The following SUV39H2 variants were observed in gnomAD, a reference collection of about 807,000 sequenced individuals.
SUV39H2 encodes histone-lysine N-methyltransferase SUV39H2.
SUV39H2 carries 10 observed loss-of-function variants against 47.5 expected under a neutral mutation model. That is an observed-to-expected ratio of 0.21 (90% confidence interval 0.13 to 0.36). The LOEUF is 0.36. Ranked by LOEUF, SUV39H2 falls within the 10% of genes least tolerant of loss-of-function variation. SUV39H2 has a pLI of 1.00. For synonymous variants in SUV39H2, 159 were observed against 166.8 expected (o/e 0.95, Z 0.36); for missense variants, 266 against 487.4 (o/e 0.55, Z 4.28).
intron 2 of SUV39H2, among the ~76,000 whole-genome samples, chr10:14,895,644 G>C (rs1439337464): frequency 6.6e-6 from 1 of 152,182 alleles, no homozygotes; most frequent in Non-Finnish European, 1.5e-5. Context: ...TAGGTGGCTT[G>C]AGTGCCTGCT....
At chr10:14,901,360 C>G (rs1353855244) in intron 5 of SUV39H2, 98 bp downstream of exon 5, 1 of 1,496,102 alleles carries the variant, frequency 6.7e-7, no homozygotes, top group Admixed American at 1.9e-5. Flanking sequence ...AAACCTAATA[C>G]TAAAGATGAA....
intron 1 of SUV39H2, among the ~76,000 whole-genome samples, chr10:14,880,707 AT>A (rs1292316008): frequency 1.3e-5 from 2 of 152,212 alleles, no homozygotes; most frequent in Non-Finnish European, 2.9e-5. Context: ...CTGGAACGCA[AT>A]TAGTTTCTGG....
chr10:14,883,433 G>A (rs542334728), intron 2 of SUV39H2, among the ~76,000 whole-genome samples: 16 of 151,748 alleles, frequency 1.1e-4, no homozygotes, highest in Non-Finnish European at 1.6e-4. Flanking sequence ...AACCGGGCAC[G>A]GTGGCTCACG....
rs1350565528 is a variant in SUV39H2 at position 14,881,546 on chromosome 10, A to T, written c.78A>T (p.Leu26Phe). The T allele has an allele frequency of 6.2e-7, 1 of 1,605,814 alleles. No individual in the cohort carries two copies. Among genetic ancestry groups the T allele is most frequent in the Admixed American group, 1.7e-5 (1 of 58,494 alleles). ...CLVSLDTLQELCRKEKLTCKS... is the reference protein window; with the variant it reads ...CLVSLDTLQEFCRKEKLTCKS... ...TTTCACTTGATACTCTTCAGGAATTATGTAGAAAAGAAAAGCTCACATGTA... is the reference window on the plus strand; with the variant it reads ...TTTCACTTGATACTCTTCAGGAATTTTGTAGAAAAGAAAAGCTCACATGTA... The change falls in exon 2 of 6, where the codon TTA (leucine) becomes TTT (phenylalanine). Residue 26 changes from leucine (L) to phenylalanine (F), a missense_variant. Coordinates refer to ENST00000354919, the MANE Select transcript of SUV39H2 (RefSeq NM_001193424.2).
chr10:14,897,060 C>G lies in SUV39H2; in HGVS notation c.392C>G (p.Ala131Gly), dbSNP rs138508980. 14 of 1,613,782 alleles carry G rather than the reference C, an allele frequency of 8.7e-6. No homozygotes were observed. The highest frequency in any genetic ancestry group is 1.2e-5 in the Non-Finnish European group (14 of 1,179,982). Residue 131 changes from alanine (A) to glycine (G), a missense_variant, in exon 3 of 6, where the codon GCT becomes GGT. Ala to Gly is a moderately conservative substitution (Grantham distance 60, BLOSUM62 0). Transcript: ENST00000354919. ...ATTGCTGAGTACATTGTGAAGAAGGCTAAACAAAGGATAGCTCTGCAGAGA... is the reference window on the plus strand; with the variant it reads ...ATTGCTGAGTACATTGTGAAGAAGGGTAAACAAAGGATAGCTCTGCAGAGA... ...PAIAEYIVKK[A>G]KQRIALQRWQ...
chr10:14,892,920 A>T (rs930332191), intron 2 of SUV39H2, among the ~76,000 whole-genome samples: 1 of 151,474 alleles, frequency 6.6e-6, no homozygotes, highest in African/African-American at 2.4e-5. Context: ...CCCAGGTTCA[A>T]GCAGTTCTCC....
intron 3 of SUV39H2, 48 bp downstream of exon 3, chr10:14,897,565 A>C (rs754965122): frequency 3.5e-6 from 5 of 1,422,286 alleles, no homozygotes; most frequent in Non-Finnish European, 4.6e-6. Context: ...CAAGGTTTAT[A>C]CTTTTGGAAA....
intron 2 of SUV39H2, among the ~76,000 whole-genome samples, chr10:14,893,032 T>C (rs1471990702): frequency 1.5e-5 from 2 of 131,046 alleles, no homozygotes; most frequent in Non-Finnish European, 3.1e-5. Context: ...TGAGACGGAG[T>C]CTCGCTGTCG....
intron 5 of SUV39H2, 87 bp from the exon 6 acceptor site, chr10:14,902,319 A>T: frequency 1.2e-6 from 1 of 866,332 alleles, no homozygotes; most frequent in Non-Finnish European, 1.8e-6. Context: ...TATCACTGAT[A>T]ATAAAGCTAA....
chr10:14,895,873 C>CT (rs201871885), intron 2 of SUV39H2, among the ~76,000 whole-genome samples: 7 of 145,294 alleles, frequency 4.8e-5, no homozygotes, highest in East Asian at 4.0e-4. Context: ...ACTTAGTGTT[C>CT]TTTTTTTTGT....
At chr10:14,897,586 T>C in intron 3 of SUV39H2, 69 bp downstream of exon 3, 1 of 1,330,238 alleles carries the variant, frequency 7.5e-7, no homozygotes, top group Non-Finnish European at 9.9e-7. Flanking sequence ...ATTACCTTTT[T>C]ATCTCTTTAA....
intron 2 of SUV39H2, among the ~76,000 whole-genome samples, chr10:14,895,075 T>C (rs1436764403): frequency 6.6e-6 from 1 of 152,292 alleles, no homozygotes. Context: ...CCCTTGGGCA[T>C]GTGGCTATAT....
At position 14,901,185 on chromosome 10, in the gene SUV39H2, G is replaced by C; in HGVS notation, c.1049G>C (p.Arg350Pro). Reference protein sequence around the residue: ...FNVFIDNLDTRLPRIALFSTR... With the variant: ...FNVFIDNLDTPLPRIALFSTR... ...GTTTTCATTGATAACCTCGATACTCGTCTTCCCCGAATAGCATTGTTTTCC... is the reference window on the plus strand; with the variant it reads ...GTTTTCATTGATAACCTCGATACTCCTCTTCCCCGAATAGCATTGTTTTCC... The change falls in exon 5 of 6, where the codon CGT (arginine) becomes CCT (proline). Residue 350 changes from arginine to proline, a missense_variant. Arg to Pro is a moderately radical substitution (Grantham distance 103). Around this residue, in one of 4 missense-constraint regions of SUV39H2, gnomAD observed 112 missense variants for 271.9 expected, o/e 0.41. Transcript: ENST00000354919. The C allele has an allele frequency of 1.2e-6, 2 of 1,613,948 alleles. No individual in the cohort carries two copies. Among genetic ancestry groups the C allele is most frequent in the Non-Finnish European group, 8.5e-7 (1 of 1,179,938 alleles).
intron 2 of SUV39H2, among the ~76,000 whole-genome samples, chr10:14,887,220 G>A (rs888713195): frequency 9.2e-5 from 14 of 152,172 alleles, no homozygotes; most frequent in South Asian, 2.1e-4. Flanking sequence ...TCAAGGAAAA[G>A]TAGGTGCACG....
At position 14,897,394 on chromosome 10, in the gene SUV39H2, G is replaced by T; in HGVS notation, c.726G>T (p.Arg242Ser). ...RCQCGPDCPN[R>S]IVQKGTQYSL... Reference sequence around the variant, plus strand: ...AGTGTGGTCCTGATTGTCCCAATAGGATTGTACAAAAAGGCACACAGTATT... The same window carrying T: ...AGTGTGGTCCTGATTGTCCCAATAGTATTGTACAAAAAGGCACACAGTATT... Residue 242 changes from arginine to serine, a missense_variant, in exon 3 of 6, where the codon AGG becomes AGT. Physicochemically the swap from Arg to Ser is moderately radical, Grantham distance 110. This residue lies in a region of SUV39H2 where 112 missense variants were observed against 271.9 expected (regional missense o/e 0.41). Transcript: ENST00000354919. The T allele has an allele frequency of 6.2e-7, 1 of 1,613,366 alleles. No homozygotes were observed.
In SUV39H2 at chr10:14,894,557, C is replaced by T. The variant is rs1409119033; in HGVS notation, c.178-2289C>T. Among the ~76,000 whole-genome samples, 4 of 113,820 alleles carry T rather than the reference C, an allele frequency of 3.5e-5. 1 individual carries two copies. The highest frequency in any genetic ancestry group is 5.0e-5 in the Non-Finnish European group (3 of 60,112). The allele number at this position is 113,820 out of a possible 152,430, so 74.7% of individuals were successfully genotyped here. On this transcript the variant is annotated intron_variant, in intron 2 of 5. Transcript: ENST00000354919. ...TAATTTTTTGTATTTTTAGTAGAGA[C>T]GGGGTTTCACCGTGTTAGCCAAGAT...
chr10:14,894,733 T>A (rs1030334774), intron 2 of SUV39H2, among the ~76,000 whole-genome samples: 1 of 152,176 alleles, frequency 6.6e-6, no homozygotes, highest in South Asian at 2.1e-4. Flanking sequence ...AATATTAAGA[T>A]GCAGATAGTG....
At position 14,888,169 on chromosome 10, in the gene SUV39H2, G is replaced by A. The variant is rs1014624379; in HGVS notation, c.177+6524G>A. The stretch of plus-strand genomic sequence containing the variant: ...ATGTATGTGTTGAAAACATGACTCT[G>A]GCTGTTGTGCCCTGAATGGGTTGAG... On this transcript the variant is annotated intron_variant, in intron 2 of 5. Transcript: ENST00000354919. Among the ~76,000 whole-genome samples, 4 of 152,170 alleles carry A rather than the reference G, an allele frequency of 2.6e-5. No homozygotes were observed. The South Asian group carries it at 8.3e-4, about 31-fold the overall frequency.
At chr10:14,879,667 C>G (rs1832983565) in intron 1 of SUV39H2, 3 of 152,098 alleles carry the variant, frequency 2.0e-5, no homozygotes, top group Admixed American at 2.0e-4. Flanking sequence ...CTTTGAGAGC[C>G]TGGAACTTTT....
Sources: gnomAD v4.1 joint callset for allele counts (sites outside exome capture counted in the v4.1 genomes callset) on GRCh38, gnomAD v4.1.1 for gene constraint, gnomAD v4.1.1 regional missense constraint, MANE v1.5 for transcripts, NCBI Gene and HGNC (gene_info 2026-07-23, HGNC 2026-07-21) for gene names.